The following EYS variants were observed in gnomAD, a reference collection of about 807,000 sequenced individuals.
The protein encoded by EYS is protein eyes shut homolog.
A neutral mutation model predicts 282.1 loss-of-function variants in EYS; 250 were observed. The observed-to-expected ratio is 0.89, with a 90% CI of 0.80 to 0.98. The LOEUF (loss-of-function observed/expected upper bound fraction) is 0.98. Ranked by LOEUF, EYS falls within the 50% of genes least tolerant of loss-of-function variation. EYS has a pLI of 0.00. For missense variants in EYS, 4,016 were observed against 3,709.0 expected, an observed-to-expected ratio of 1.08 and a Z score of -2.15; for synonymous variants, 1,355 against 1,282.9, an observed-to-expected ratio of 1.06 and a Z score of -1.20.
intron 2 of EYS, among the ~76,000 whole-genome samples, chr6:65,513,844 G>C (rs1390336065): frequency 6.6e-6 from 1 of 152,094 alleles, no homozygotes; most frequent in Non-Finnish European, 1.5e-5. Context: ...ATACTGAATG[G>C]GCAGAACCTG....
intron 5 of EYS, among the ~76,000 whole-genome samples, chr6:65,416,671 G>A (rs1364219744): frequency 6.6e-6 from 1 of 151,932 alleles, no homozygotes; most frequent in African/African-American, 2.4e-5. Context: ...GTCCTCTGAT[G>A]AAGTGTCAAA....
chr6:64,777,625 C>T (rs1773718369), intron 22 of EYS, among the ~76,000 whole-genome samples: 1 of 152,096 alleles, frequency 6.6e-6, no homozygotes, highest in African/African-American at 2.4e-5. Context: ...TAAATAAAAG[C>T]TTTGCCACAA....
chr6:65,422,809 C>CATATAT (rs143939038), intron 5 of EYS, among the ~76,000 whole-genome samples: 1 of 150,100 alleles, frequency 6.7e-6, no homozygotes, highest in Non-Finnish European at 1.5e-5. Flanking sequence ...TATAGAGAGA[C>CATATAT]ATATATATAT....
chr6:64,811,437 C>T (rs985024049), intron 22 of EYS, among the ~76,000 whole-genome samples: 13 of 146,170 alleles, frequency 8.9e-5, no homozygotes, highest in African/African-American at 3.3e-4. Flanking sequence ...AAAAAAAAAT[C>T]AGCCAAGCTA....
At chr6:64,565,637 A>G (rs1438031240) in intron 26 of EYS, among the ~76,000 whole-genome samples, 2 of 152,206 alleles carry the variant, frequency 1.3e-5, no homozygotes, top group Admixed American at 6.5e-5. Context: ...TGTTGGTCAA[A>G]TGATATAAAG....
intron 31 of EYS, among the ~76,000 whole-genome samples, chr6:64,167,194 A>G (rs74351309): frequency 0.02 from 3,022 of 152,262 alleles, 81 homozygotes; most frequent in African/African-American, 0.06. Flanking sequence ...AGAGAATCAT[A>G]CCGCAAGGAA....
At chr6:64,511,147 A>G (rs1261360779) in intron 26 of EYS, among the ~76,000 whole-genome samples, 1 of 149,346 alleles carries the variant, frequency 6.7e-6, no homozygotes, top group Non-Finnish European at 1.5e-5. Flanking sequence ...AATTGTTTAT[A>G]TAACACTATT....
intron 36 of EYS, among the ~76,000 whole-genome samples, chr6:63,835,401 T>C (rs1488829894): frequency 1.3e-5 from 2 of 151,714 alleles, no homozygotes; most frequent in South Asian, 2.1e-4. Flanking sequence ...TAGAAAGGAA[T>C]GAATTAACAG....
chr6:65,058,416 G>A (rs372087426), intron 12 of EYS, among the ~76,000 whole-genome samples: 14 of 152,080 alleles, frequency 9.2e-5, no homozygotes, highest in Admixed American at 4.6e-4. Flanking sequence ...CTCCCAAAGC[G>A]CAGGAATTAC....
At chr6:63,886,505 A>G (rs1351655710) in intron 35 of EYS, among the ~76,000 whole-genome samples, 2 of 152,240 alleles carry the variant, frequency 1.3e-5, no homozygotes, top group Non-Finnish European at 2.9e-5. Context: ...GAACATTTCA[A>G]GAAGTAATGC....
At position 64,207,727 on chromosome 6, in the gene EYS, G is replaced by A. The variant is rs575889467; in HGVS notation, c.6424+22865C>T. Among the ~76,000 whole-genome samples, 12 of 152,102 alleles carry A rather than the reference G, an allele frequency of 7.9e-5. No individual in the cohort carries two copies. The South Asian group carries it at 1.9e-3, about 24-fold the overall frequency. On this transcript the variant is annotated intron_variant, in intron 31 of 42. Coordinates refer to ENST00000503581, the MANE Select transcript of EYS (RefSeq NM_001142800.2). ...GGCCGGAGTGCAGTGGTGCGACCTC[G>A]GATCACTGCAACCTCCGCCTCCCAA...
intron 30 of EYS, among the ~76,000 whole-genome samples, chr6:64,284,461 G>A (rs1017481116): frequency 1.3e-5 from 2 of 152,102 alleles, no homozygotes; most frequent in African/African-American, 4.8e-5. Flanking sequence ...GCTTTCATGG[G>A]CTGGTGTTGA....
chr6:64,290,530 T>C (rs1768664819), intron 30 of EYS, among the ~76,000 whole-genome samples: 1 of 152,110 alleles, frequency 6.6e-6, no homozygotes, highest in Admixed American at 6.6e-5. Flanking sequence ...CAAATTTTAG[T>C]AGCCTAACTT....
At chr6:64,317,831 A>G (rs899663820) in intron 29 of EYS, among the ~76,000 whole-genome samples, 9 of 152,302 alleles carry the variant, frequency 5.9e-5, no homozygotes, top group African/African-American at 2.2e-4. Flanking sequence ...CATATAAACC[A>G]TGGAATACTA....
intron 22 of EYS, among the ~76,000 whole-genome samples, chr6:64,723,087 G>GGA (rs1771637285): frequency 6.8e-6 from 1 of 146,726 alleles, no homozygotes; most frequent in Admixed American, 6.8e-5. Flanking sequence ...AGGCCCTAAG[G>GGA]AAAAAAAAAA....
chr6:64,163,352 T>G (rs1281156444), intron 31 of EYS, among the ~76,000 whole-genome samples: 1 of 152,154 alleles, frequency 6.6e-6, no homozygotes, highest in Non-Finnish European at 1.5e-5. Context: ...AAAAGTTCTT[T>G]CATCTATTTT....
intron 2 of EYS, among the ~76,000 whole-genome samples, chr6:65,502,216 T>C (rs1766480504): frequency 6.6e-6 from 1 of 151,686 alleles, no homozygotes; most frequent in Non-Finnish European, 1.5e-5. Context: ...AAAGCTGCTA[T>C]AAAGAGCATA....
intron 29 of EYS, among the ~76,000 whole-genome samples, chr6:64,359,145 A>G (rs1771925705): frequency 6.6e-6 from 1 of 151,724 alleles, no homozygotes; most frequent in South Asian, 2.1e-4. Context: ...CAACAAGAGC[A>G]TTAACAACTC....
chr6:65,191,611 A>G (rs994891765), intron 12 of EYS, among the ~76,000 whole-genome samples: 1 of 151,866 alleles, frequency 6.6e-6, no homozygotes, highest in African/African-American at 2.4e-5. Flanking sequence ...AATCAGCTAA[A>G]CCACAATAAA....
Sources: gnomAD v4.1 joint callset for allele counts (sites outside exome capture counted in the v4.1 genomes callset) on GRCh38, gnomAD v4.1.1 for gene constraint, MANE v1.5 for transcripts, NCBI Gene and HGNC (gene_info 2026-07-23, HGNC 2026-07-21) for gene names.